Variants in DEF6 observed in about 807,000 individuals in gnomAD.
The protein encoded by DEF6 is differentially expressed in FDCP 6 homolog.
A neutral mutation model predicts 80.5 loss-of-function variants in DEF6; 32 were observed. The observed-to-expected ratio is 0.40, with a 90% CI of 0.30 to 0.53. DEF6 has a LOEUF of 0.53. Ranked by LOEUF, DEF6 falls within the 20% of genes least tolerant of loss-of-function variation. The pLI is 0.57. For missense variants in DEF6, 575 were observed against 818.7 expected, an observed-to-expected ratio of 0.70 and a Z score of 3.63; for synonymous variants, 300 against 337.9, an observed-to-expected ratio of 0.89 and a Z score of 1.23.
In DEF6 at chr6:35,297,836, A is replaced by T; in HGVS notation, c.-21A>T. On this transcript the variant is annotated 5_prime_UTR_variant, in exon 1 of 11. Coordinates refer to ENST00000316637, the MANE Select transcript of DEF6 (RefSeq NM_022047.4). ...GGATCTTAGTGTCAGAGCCGCCCCCAGCCGGGCGGGCGCCTCAGCCATGGC... is the reference window on the plus strand; with the variant it reads ...GGATCTTAGTGTCAGAGCCGCCCCCTGCCGGGCGGGCGCCTCAGCCATGGC... 1 of 1,573,872 alleles carries T rather than the reference A, an allele frequency of 6.4e-7. No homozygotes were observed. The highest frequency in any genetic ancestry group is 8.6e-7 in the Non-Finnish European group (1 of 1,159,498).
At chr6:35,317,195 T>G (rs1346339491) in intron 5 of DEF6, among the ~76,000 whole-genome samples, 1 of 152,192 alleles carries the variant, frequency 6.6e-6, no homozygotes, top group Non-Finnish European at 1.5e-5. Flanking sequence ...GGTGTTACTG[T>G]GGAAAGGAGC....
chr6:35,299,927 A>C (rs774217830), intron 1 of DEF6, among the ~76,000 whole-genome samples: 16 of 152,088 alleles, frequency 1.1e-4, no homozygotes, highest in Non-Finnish European at 1.5e-4. Context: ...GTCAAAAGGC[A>C]AAGGAGGAAG....
At chr6:35,303,921 C>G (rs577104968) in intron 1 of DEF6, among the ~76,000 whole-genome samples, 522 of 152,306 alleles carry the variant, frequency 3.4e-3, no homozygotes, top group Middle Eastern at 0.017. Context: ...TCACCTAAGT[C>G]AGGGGTTCGA....
rs1791474793 is a variant in DEF6 at position 35,312,013 on chromosome 6, C to T, written c.424-289C>T. Among the ~76,000 whole-genome samples the T allele has an allele frequency of 6.6e-6, 1 of 152,150 alleles. No individual in the cohort carries two copies. The highest frequency in any genetic ancestry group is 1.5e-5 in the Non-Finnish European group (1 of 68,040). On this transcript the variant is annotated intron_variant, in intron 3 of 10. Coordinates refer to ENST00000316637, the MANE Select transcript of DEF6 (RefSeq NM_022047.4). The surrounding 1 kb of genome is among the most constrained non-coding windows in gnomAD (Gnocchi z 6.6). ...CTTGACACTTTCTGTGATTTATTGC[C>T]TCTTTCTGGACCCCAGATCTCAGGT...
At chr6:35,320,792 C>A in intron 9 of DEF6, 92 bp from the exon 10 acceptor site, 1 of 1,124,408 alleles carries the variant, frequency 8.9e-7, no homozygotes, top group Non-Finnish European at 1.3e-6. Context: ...TAGTCTTGGT[C>A]AGATTTTAAG....
rs1791551407 is a variant in DEF6, at chr6:35,318,554, G to A, written c.1215+83G>A. On this transcript the variant is annotated intron_variant, in intron 7 of 10. Transcript: ENST00000316637. The surrounding 1 kb of genome is among the most constrained non-coding windows in gnomAD (Gnocchi z 5.1). ...GCGGAGCGCCGGGGGCGGGGCCTGG[G>A]CAGAGGGCGGAGCTCCTGGGTTGAG... 3.1e-6 allele frequency: 4 copies of A among 1,294,312 alleles called. No individual in the cohort carries two copies. The highest frequency in any genetic ancestry group is 6.4e-5 in the East Asian group (2 of 31,148). The allele number at this position is 1,294,312 out of a possible 1,614,324, so 80.2% of individuals were successfully genotyped here.
chr6:35,304,152 C>T (rs1480828039), intron 1 of DEF6, among the ~76,000 whole-genome samples: 1 of 151,990 alleles, frequency 6.6e-6, no homozygotes, highest in African/African-American at 2.4e-5. Flanking sequence ...AAAACACACA[C>T]ACACATATAC....
Position 35,312,412 on chromosome 6 carries a change from G to A in DEF6, c.534G>A (p.Gly178=), listed in dbSNP as rs770090116. The stretch of plus-strand genomic sequence containing the variant: ...CCCAGGTGGCCCAGACCACCGGGGG[G>A]CTCAGCGTCTGGCAGTTCCTGGAGC... The part of the protein sequence containing the change: ...QEAQVAQTTG[G]LSVWQFLELF... Residue 178 remains glycine, a synonymous_variant, in exon 4 of 11, where the codon GGG becomes GGA. Transcript: ENST00000316637. This position sits in a 1 kb window ranked among gnomAD's most constrained non-coding sequence, Gnocchi z 6.6. 2.5e-6 allele frequency: 4 copies of A among 1,614,174 alleles called. No individual in the cohort carries two copies. Among genetic ancestry groups the A allele is most frequent in the Non-Finnish European group, 3.4e-6 (4 of 1,180,038 alleles).
rs1791484828 is a variant in DEF6, at chr6:35,312,799, C to T, written c.807+27C>T. Reference sequence around the variant, plus strand: ...TGAGGGGCAGGATGGGGGTGGAGGACATCTCAGGGCCCAGAGTGTCCTCAG... The same window carrying T: ...TGAGGGGCAGGATGGGGGTGGAGGATATCTCAGGGCCCAGAGTGTCCTCAG... On this transcript the variant is annotated intron_variant, in intron 5 of 10. Transcript: ENST00000316637. The surrounding 1 kb of genome is among the most constrained non-coding windows in gnomAD (Gnocchi z 6.6). The T allele has an allele frequency of 1.3e-6, 2 of 1,595,616 alleles. No individual in the cohort carries two copies. The highest frequency in any genetic ancestry group is 1.3e-5 in the African/African-American group (1 of 74,242).
In DEF6 at chr6:35,321,178, C is replaced by A; in HGVS notation, c.1673-9C>A. 6.2e-7 allele frequency: 1 copy of A among 1,611,602 alleles called. No homozygotes were observed. The highest frequency in any genetic ancestry group is 8.5e-7 in the Non-Finnish European group (1 of 1,179,602). ...CTTTCTCCTTACTTGCCTGCCTTCT[C>A]TCTGCCAGATAAGCGTCCGGTCACC... is the stretch of plus-strand genomic sequence containing the variant. On this transcript the variant is annotated splice_polypyrimidine_tract_variant and intron_variant, in intron 10 of 10. Coordinates refer to ENST00000316637, the MANE Select transcript of DEF6 (RefSeq NM_022047.4).
At chr6:35,297,985 C>G in intron 1 of DEF6, 33 bp downstream of exon 1, 1 of 1,538,306 alleles carries the variant, frequency 6.5e-7, no homozygotes, top group Admixed American at 1.9e-5. Context: ...GGGAGGACGG[C>G]AGATGCACCA....
rs939213815 is a variant in DEF6 at position 35,318,645 on chromosome 6, G to T, written c.1215+174G>T. Among the ~76,000 whole-genome samples the T allele has an allele frequency of 1.3e-5, 2 of 152,134 alleles. No homozygotes were observed. The highest frequency in any genetic ancestry group is 4.8e-5 in the African/African-American group (2 of 41,430). On this transcript the variant is annotated intron_variant, in intron 7 of 10. Transcript: ENST00000316637. The surrounding 1 kb of genome is among the most constrained non-coding windows in gnomAD (Gnocchi z 5.1). ...GGACAGAGTCCGCGGGTTTGAAAAA[G>T]AGATTTGGGATGGGGCTTCCGCCAG...
chr6:35,317,856 G>T, intron 5 of DEF6, 35 bp from the exon 6 acceptor site: 1 of 1,593,978 alleles, frequency 6.3e-7, no homozygotes. Flanking sequence ...GACCCAGTGA[G>T]GCCAGCCTGG....
In DEF6 at chr6:35,318,060, G is replaced by C. The variant is rs371476728; in HGVS notation, c.916+61G>C. The C allele has an allele frequency of 8.2e-4, 1,289 of 1,568,604 alleles. 7 individuals carry two copies. The African/African-American group carries it at 0.016, about 19-fold the overall frequency. On this transcript the variant is annotated intron_variant, in intron 6 of 10. Coordinates refer to ENST00000316637, the MANE Select transcript of DEF6 (RefSeq NM_022047.4). The surrounding 1 kb of genome is among the most constrained non-coding windows in gnomAD (Gnocchi z 5.1). ...CCTTAGGCGCCTCATCTGTGAAAAG[G>C]GGGTGATAATACTTTGTCCAGCGGG... is the stretch of plus-strand genomic sequence containing the variant.
At chr6:35,321,052 TCCAG>T in intron 10 of DEF6, 78 bp downstream of exon 10, 1 of 1,573,158 alleles carries the variant, frequency 6.4e-7, no homozygotes, top group Non-Finnish European at 8.7e-7. Context: ...CTGGGAGACC[TCCAG>T]ATCTCCCAGG....
chr6:35,321,463 C>A lies in DEF6; in HGVS notation c.*53C>A. On this transcript the variant is annotated 3_prime_UTR_variant, in exon 11 of 11. Transcript: ENST00000316637. Reference sequence around the variant, plus strand: ...TGTCATATCCACCAGGACCTGGCCACAGCTGGCCTGTGGGTGATCCCAGCT... The same window carrying A: ...TGTCATATCCACCAGGACCTGGCCAAAGCTGGCCTGTGGGTGATCCCAGCT... The A allele has an allele frequency of 6.5e-7, 1 of 1,539,574 alleles. No homozygotes were observed. The highest frequency in any genetic ancestry group is 1.2e-5 in the South Asian group (1 of 85,914).
intron 5 of DEF6, chr6:35,313,517 T>C (rs1377670074): frequency 6.4e-6 from 2 of 311,824 alleles, no homozygotes; most frequent in Non-Finnish European, 6.2e-6. Flanking sequence ...TATTGTAAAC[T>C]GTAGCCACCC....
chr6:35,305,067 C>T lies in DEF6; in HGVS notation c.97-4603C>T, dbSNP rs1791371547. On this transcript the variant is annotated intron_variant, in intron 1 of 10. Coordinates refer to ENST00000316637, the MANE Select transcript of DEF6 (RefSeq NM_022047.4). ...AGGAGGGCTCTTCCTGCCTCGGCCT[C>T]CTAAAGCATTGGGATTACAGGTATG... Among the ~76,000 whole-genome samples, 3 of 144,968 alleles carry T rather than the reference C, an allele frequency of 2.1e-5. No homozygotes were observed. The South Asian group carries it at 6.9e-4, about 33-fold the overall frequency.
intron 1 of DEF6, among the ~76,000 whole-genome samples, chr6:35,307,958 G>A (rs1449388870): frequency 6.6e-6 from 1 of 152,184 alleles, no homozygotes; most frequent in African/African-American, 2.4e-5. Context: ...CTTCAATATA[G>A]CATGTATTGA....
Sources: allele counts gnomAD v4.1 joint callset (sites outside exome capture counted in the v4.1 genomes callset), GRCh38; gene constraint gnomAD v4.1.1; non-coding constraint Gnocchi (gnomAD v3.1); transcripts MANE v1.5; gene names NCBI Gene and HGNC (gene_info 2026-07-23, HGNC 2026-07-21).